CELSR3: variants seen among roughly 807,000 people sequenced by gnomAD.
CELSR3 encodes cadherin EGF LAG seven-pass G-type receptor 3, also known as EGF-like protein 1.
A neutral mutation model predicts 270.0 loss-of-function variants in CELSR3; 73 were observed. The observed-to-expected ratio is 0.27, with a 90% CI of 0.22 to 0.33. CELSR3 has a LOEUF of 0.33. Among genes scored for constraint, CELSR3 ranks in the 10% least tolerant of loss-of-function variants. The pLI is 1.00. For missense variants in CELSR3, 3,614 were observed against 4,533.8 expected (o/e 0.80, Z 5.83); for synonymous variants, 1,780 against 1,905.4 (o/e 0.93, Z 1.71).
At position 48,640,835 on chromosome 3, in the gene CELSR3, G is replaced by A; in HGVS notation, c.9026-276C>T. ...CAGGGGATGGGGCAAACTCCCTGAG[G>A]TCAGAAGAGGGGCAGCCCTCAGGTC... On this transcript the variant is annotated intron_variant, in intron 33 of 34. Coordinates refer to ENST00000164024, the MANE Select transcript of CELSR3 (RefSeq NM_001407.3). The surrounding 1 kb of genome is among the most constrained non-coding windows in gnomAD (Gnocchi z 7.5). 1.9e-6 allele frequency: 1 copy of A among 529,098 alleles called. No individual in the cohort carries two copies. Among genetic ancestry groups the A allele is most frequent in the South Asian group, 2.7e-5 (1 of 37,496 alleles). 32.8% of individuals were successfully genotyped at this position (529,098 alleles called of 1,614,324 possible).
chr3:48,645,047 C>T lies in CELSR3; in HGVS notation c.7960G>A (p.Ala2654Thr). 3 of 1,584,936 alleles carry T rather than the reference C, an allele frequency of 1.9e-6. No individual in the cohort carries two copies. Among genetic ancestry groups the T allele is most frequent in the Non-Finnish European group, 2.6e-6 (3 of 1,160,930 alleles). ...FYHALGWGVP[A>T]VLLGLAVGLD... ...TCACAGCCCTCACCCAGCAGCACAG[C>T]AGGGACGCCCCAGCCCAGGGCATGG... is the stretch of plus-strand genomic sequence containing the variant. The change falls in exon 25 of 35, where the codon GCT becomes ACT. Residue 2654 changes from alanine (A) to threonine (T), a missense_variant. Physicochemically the swap from Ala to Thr is moderately conservative, Grantham distance 58. Coordinates refer to ENST00000164024, the MANE Select transcript of CELSR3 (RefSeq NM_001407.3). The surrounding 1 kb of genome is among the most constrained non-coding windows in gnomAD (Gnocchi z 5.4).
rs1293030106 is a variant in CELSR3 at position 48,646,053 on chromosome 3, T to C, written c.7463+37A>G. 3 of 1,609,076 alleles carry C rather than the reference T, an allele frequency of 1.9e-6. No homozygotes were observed. Among genetic ancestry groups the C allele is most frequent in the Admixed American group, 3.4e-5 (2 of 59,480 alleles). On this transcript the variant is annotated intron_variant, in intron 22 of 34. Transcript: ENST00000164024. This position sits in a 1 kb window ranked among gnomAD's most constrained non-coding sequence, Gnocchi z 4.8. ...GACTATTAGTTGGCCTCCCAAGGGC[T>C]AACGGGACCAAGGGTTTCCAGAATG...
rs762649658 is a variant in CELSR3, at chr3:48,662,391, C to T, written c.244G>A (p.Glu82Lys). Residue 82 changes from glutamate to lysine, a missense_variant, in exon 1 of 35, where the codon GAG becomes AAG. Coordinates refer to ENST00000164024, the MANE Select transcript of CELSR3 (RefSeq NM_001407.3). This position sits in a 1 kb window ranked among gnomAD's most constrained non-coding sequence, Gnocchi z 7.1. Reference sequence around the variant, plus strand: ...CCTCGGAGCCCCACGAAGATAGGCTCCCTGACCCCCAGGCCAGGCCCCCCA... The same window carrying T: ...CCTCGGAGCCCCACGAAGATAGGCTTCCTGACCCCCAGGCCAGGCCCCCCA... ...EDGGPGLGVR[E>K]PIFVGLRGRR... 1 of 1,612,980 alleles carries T rather than the reference C, an allele frequency of 6.2e-7. No homozygotes were observed. Among genetic ancestry groups the T allele is most frequent in the Non-Finnish European group, 8.5e-7 (1 of 1,179,992 alleles).
Position 48,639,877 on chromosome 3 carries a change from A to C in CELSR3, c.9708T>G (p.His3236Gln), listed in dbSNP as rs748976322. 2.5e-6 allele frequency: 4 copies of C among 1,613,434 alleles called. No individual in the cohort carries two copies. In the East Asian group the frequency reaches 8.9e-5, roughly 36 times the overall value. ...TGTCCAACTGTTCTGTGGAGGGGCC[A>C]TGGCTGGGGCCACTGACCGAGTCCT... is the stretch of plus-strand genomic sequence containing the variant. ...AREDSVSGPSHGPSTEQLDIL... is the reference protein window; with the variant it reads ...AREDSVSGPSQGPSTEQLDIL... The change falls in exon 34 of 35, where the codon CAT becomes CAG. Residue 3236 changes from histidine (H) to glutamine (Q), a missense_variant. By Grantham distance (24) the His-to-Gln change is conservative. Transcript: ENST00000164024. This position sits in a 1 kb window ranked among gnomAD's most constrained non-coding sequence, Gnocchi z 4.1.
At position 48,648,903 on chromosome 3, in the gene CELSR3, G is replaced by A. The variant is rs747122139; in HGVS notation, c.6593C>T (p.Thr2198Met). Residue 2198 changes from threonine to methionine, a missense_variant, in exon 18 of 35, where the codon ACG becomes ATG. Physicochemically the swap from Thr to Met is moderately conservative, Grantham distance 81 (BLOSUM62 -1). Transcript: ENST00000164024. ...LLLDGLELNKTALDTMEAKKL... is the reference protein window; with the variant it reads ...LLLDGLELNKMALDTMEAKKL... ...CTTGGCCTCCATGGTATCCAGTGCC[G>A]TCTTGTTCAGCTCTAGGCCATCCAG... The A allele has an allele frequency of 2.4e-5, 39 of 1,612,818 alleles. No individual in the cohort carries two copies. Among genetic ancestry groups the A allele is most frequent in the South Asian group, 7.7e-5 (7 of 91,072 alleles).
intron 27 of CELSR3, chr3:48,643,889 G>A (rs2106701070): frequency 1.6e-6 from 1 of 616,244 alleles, no homozygotes; most frequent in South Asian, 2.1e-5. Context: ...GACACGTGGG[G>A]AAAACACAGG....
chr3:48,644,960 G>T lies in CELSR3; in HGVS notation c.7972+75C>A, dbSNP rs1020138755. 3.9e-6 allele frequency: 6 copies of T among 1,540,218 alleles called. No homozygotes were observed. In the Admixed American group the frequency reaches 5.3e-5, roughly 14 times the overall value. The stretch of plus-strand genomic sequence containing the variant: ...GATGGCTTGGGGTTTGAGGTTGGGG[G>T]TCATGAGCAGGAGTGGGGACAGGGT... On this transcript the variant is annotated intron_variant, in intron 25 of 34. Transcript: ENST00000164024. This position sits in a 1 kb window ranked among gnomAD's most constrained non-coding sequence, Gnocchi z 4.8.
In CELSR3 at chr3:48,645,515, A is replaced by G; in HGVS notation, c.7725T>C (p.His2575=). ...CCCCCAGGGCGGCTGCCACATTGGC[A>G]TGGATCCCACGCACATTGGACTTGA... ...RSLKSNVRGI[H]ANVAAALGVA... Residue 2575 remains histidine (H), a synonymous_variant, in exon 24 of 35, where the codon CAT becomes CAC. Transcript: ENST00000164024. The surrounding 1 kb of genome is among the most constrained non-coding windows in gnomAD (Gnocchi z 5.4). 1 of 1,612,844 alleles carries G rather than the reference A, an allele frequency of 6.2e-7. No homozygotes were observed. The highest frequency in any genetic ancestry group is 8.5e-7 in the Non-Finnish European group (1 of 1,180,020).
In CELSR3 at chr3:48,639,781, C is replaced by T. The variant is rs781349045; in HGVS notation, c.9804G>A (p.Leu3268=). The change falls in exon 34 of 35, where the codon TTG becomes TTA. Residue 3268 remains leucine (L), a synonymous_variant. Coordinates refer to ENST00000164024, the MANE Select transcript of CELSR3 (RefSeq NM_001407.3). The surrounding 1 kb of genome is among the most constrained non-coding windows in gnomAD (Gnocchi z 4.1). The stretch of plus-strand genomic sequence containing the variant: ...AAGGTGTGGCAGTGGTGTGAGGGCC[C>T]AAGGGTGTGCTTGAAGATTGCACAG... The part of the protein sequence containing the change: ...LSSVQSSSTP[L]GPHTTATPSA... The T allele has an allele frequency of 6.2e-7, 1 of 1,613,740 alleles. No individual in the cohort carries two copies. The highest frequency in any genetic ancestry group is 1.1e-5 in the South Asian group (1 of 91,078).
rs749835126 is a variant in CELSR3 at position 48,660,077 on chromosome 3, G to A, written c.2558C>T (p.Thr853Ile). The A allele has an allele frequency of 6.2e-7, 1 of 1,614,230 alleles. No homozygotes were observed. The highest frequency in any genetic ancestry group is 8.5e-7 in the Non-Finnish European group (1 of 1,180,044). ...YVHINITDAN[T>I]HRPVFQSAHY... The stretch of plus-strand genomic sequence containing the variant: ...GGCACTTTGAAAGACCGGCCGATGA[G>A]TGTTGGCATCTGTGATGTTGATGTG... The change falls in exon 1 of 35, where the codon ACT (threonine) becomes ATT (isoleucine). Residue 853 changes from threonine to isoleucine, a missense_variant. Physicochemically the swap from Thr to Ile is moderately conservative, Grantham distance 89. Transcript: ENST00000164024. The surrounding 1 kb of genome is among the most constrained non-coding windows in gnomAD (Gnocchi z 5.5).
chr3:48,639,932 C>G lies in CELSR3; in HGVS notation c.9653G>C (p.Gly3218Ala), dbSNP rs375497310. 4 of 1,612,850 alleles carry G rather than the reference C, an allele frequency of 2.5e-6. No individual in the cohort carries two copies. The highest frequency in any genetic ancestry group is 3.4e-6 in the Non-Finnish European group (4 of 1,180,012). Residue 3218 changes from glycine to alanine, a missense_variant, in exon 34 of 35, where the codon GGG (glycine) becomes GCG (alanine). This residue lies in a region of CELSR3 where 1,240 missense variants were observed against 1,351.7 expected (regional missense o/e 0.92). Transcript: ENST00000164024. The surrounding 1 kb of genome is among the most constrained non-coding windows in gnomAD (Gnocchi z 4.1). ...PSRHPSREAL[G>A]PLPQLLRARE... ...AGCTCTGAGCAGCTGCGGGAGTGGC[C>G]CAAGGGCTTCTCGTGAGGGGTGCCG...
chr3:48,652,352 A>G lies in CELSR3; in HGVS notation c.5751+85T>C. On this transcript the variant is annotated intron_variant, in intron 11 of 34. Transcript: ENST00000164024. The surrounding 1 kb of genome is among the most constrained non-coding windows in gnomAD (Gnocchi z 4.3). Reference sequence around the variant, plus strand: ...CCCCCTCGCACCAACCCCCACTTGAATACTGCCTTTCAGGTCCCAAGGAGC... The same window carrying G: ...CCCCCTCGCACCAACCCCCACTTGAGTACTGCCTTTCAGGTCCCAAGGAGC... 1 of 1,118,778 alleles carries G rather than the reference A, an allele frequency of 8.9e-7. No individual in the cohort carries two copies. The allele number at this position is 1,118,778 out of a possible 1,614,324, so 69.3% of individuals were successfully genotyped here.
chr3:48,638,111 G>T lies in CELSR3; in HGVS notation c.*94C>A. On this transcript the variant is annotated 3_prime_UTR_variant, in exon 35 of 35. Transcript: ENST00000164024. ...GGCACCCACCACTGGGGAGCAGGAGGCTGCCTTGGGATCTGCCCCCACTCC... is the reference window on the plus strand; with the variant it reads ...GGCACCCACCACTGGGGAGCAGGAGTCTGCCTTGGGATCTGCCCCCACTCC... 1 of 1,116,872 alleles carries T rather than the reference G, an allele frequency of 9.0e-7. No individual in the cohort carries two copies. Among genetic ancestry groups the T allele is most frequent in the Non-Finnish European group, 1.4e-6 (1 of 732,634 alleles). The allele number at this position is 1,116,872 out of a possible 1,614,324, so 69.2% of individuals were successfully genotyped here. A position where few individuals can be genotyped will look rare whatever the true frequency, so the allele number is the denominator to read the frequency against.
At position 48,652,114 on chromosome 3, in the gene CELSR3, G is replaced by A. The variant is rs2047143085; in HGVS notation, c.5752-66C>T. The A allele has an allele frequency of 7.1e-7, 1 of 1,416,190 alleles. No homozygotes were observed. Among genetic ancestry groups the A allele is most frequent in the African/African-American group, 1.5e-5 (1 of 68,920 alleles). 87.7% of individuals were successfully genotyped at this position (1,416,190 alleles called of 1,614,324 possible). On this transcript the variant is annotated intron_variant, in intron 11 of 34. Transcript: ENST00000164024. This position sits in a 1 kb window ranked among gnomAD's most constrained non-coding sequence, Gnocchi z 4.3. ...GCACCTCAGCCTCAAGTACTGCAGA[G>A]CCAGCCACCCGGTCTGATGATCCTT... is the stretch of plus-strand genomic sequence containing the variant.
In CELSR3 at chr3:48,641,463, G is replaced by A; in HGVS notation, c.8886C>T (p.Pro2962=). The change falls in exon 33 of 35, where the codon CCC becomes CCT. Residue 2962 remains proline (P), a synonymous_variant. Coordinates refer to ENST00000164024, the MANE Select transcript of CELSR3 (RefSeq NM_001407.3). The surrounding 1 kb of genome is among the most constrained non-coding windows in gnomAD (Gnocchi z 4.8). ...WPALGECEAA[P]CALQTWGSER... is the part of the protein sequence containing the mutation. ...CAGAGCCCCAAGTCTGCAGAGCACA[G>A]GGGGCTGCCTCGCACTCCCCCAGGG... The A allele has an allele frequency of 1.2e-6, 2 of 1,612,126 alleles. No homozygotes were observed. Among genetic ancestry groups the A allele is most frequent in the Non-Finnish European group, 1.7e-6 (2 of 1,179,462 alleles).
In CELSR3 at chr3:48,648,249, C is replaced by CCCCCCCCCCAAA; in HGVS notation, c.6973+16_6973+17insTTTGGGGGGGGG. On this transcript the variant is annotated intron_variant, in intron 19 of 34. Coordinates refer to ENST00000164024, the MANE Select transcript of CELSR3 (RefSeq NM_001407.3). ...GGCCCCCCTGCTGTGCCCCGCCCTA[C>CCCCCCCCCCAAA]CCCACCCACAACGCACTGATATTAG... is the stretch of plus-strand genomic sequence containing the variant. 7.1e-5 allele frequency: 52 copies of CCCCCCCCCCAAA among 728,140 alleles called. No individual in the cohort carries two copies. Among genetic ancestry groups the CCCCCCCCCCAAA allele is most frequent in the Non-Finnish European group, 1.1e-4 (47 of 433,566 alleles). The allele number at this position is 728,140 out of a possible 1,614,324, so 45.1% of individuals were successfully genotyped here.
chr3:48,660,855 C>A lies in CELSR3; in HGVS notation c.1780G>T (p.Ala594Ser). The A allele has an allele frequency of 1.2e-6, 2 of 1,613,994 alleles. No individual in the cohort carries two copies. The highest frequency in any genetic ancestry group is 1.7e-6 in the Non-Finnish European group (2 of 1,180,016). Residue 594 changes from alanine (A) to serine (S), a missense_variant, in exon 1 of 35, where the codon GCC (alanine) becomes TCC (serine). Ala to Ser is a moderately conservative substitution (Grantham distance 99, BLOSUM62 1). Transcript: ENST00000164024. The surrounding 1 kb of genome is among the most constrained non-coding windows in gnomAD (Gnocchi z 5.5). ...IISGNSRGHF[A>S]IDSLTGEIQV... ...ATCTCGCCAGTGAGGCTGTCGATGGCAAAGTGTCCACGGCTATTGCCACTG... is the reference window on the plus strand; with the variant it reads ...ATCTCGCCAGTGAGGCTGTCGATGGAAAAGTGTCCACGGCTATTGCCACTG...
Position 48,639,951 on chromosome 3 carries a change from G to C in CELSR3, c.9634C>G (p.Pro3212Ala), listed in dbSNP as rs561764974. ...AGTGGCCCAAGGGCTTCTCGTGAGG[G>C]GTGCCGGCTAGGCACCTGGTCCAGC... The part of the protein sequence containing the change: ...EQLDQVPSRH[P>A]SREALGPLPQ... Residue 3212 changes from proline to alanine, a missense_variant, in exon 34 of 35, where the codon CCC becomes GCC. This residue lies in a region of CELSR3 where 1,240 missense variants were observed against 1,351.7 expected (regional missense o/e 0.92). Transcript: ENST00000164024. This position sits in a 1 kb window ranked among gnomAD's most constrained non-coding sequence, Gnocchi z 4.1. The C allele has an allele frequency of 3.1e-6, 5 of 1,612,950 alleles. No homozygotes were observed. The South Asian group carries it at 4.4e-5, about 14-fold the overall frequency.
chr3:48,649,304 T>TC (rs2047115748), intron 16 of CELSR3, 89 bp from the exon 17 acceptor site: 1 of 1,078,478 alleles, frequency 9.3e-7, no homozygotes, highest in Admixed American at 2.1e-5. Flanking sequence ...GCTGGGGGAA[T>TC]CCCTGAGGCA....
Sources: allele counts gnomAD v4.1 joint callset, GRCh38; gene constraint gnomAD v4.1.1; regional missense constraint gnomAD v4.1.1; non-coding constraint Gnocchi (gnomAD v3.1); transcripts MANE v1.5; gene names NCBI Gene and HGNC (gene_info 2026-07-23, HGNC 2026-07-21).